The following CYP4X1 variants were observed in gnomAD, a reference collection of about 807,000 sequenced individuals.
CYP4X1 encodes cytochrome P450 family 4 subfamily X member 1.
CYP4X1 carries 44 observed loss-of-function variants against 57.9 expected under a neutral mutation model. The observed-to-expected ratio is 0.76, with a 90% CI of 0.60 to 0.98. CYP4X1 has a LOEUF of 0.98. CYP4X1 is among the 50% of genes least tolerant of loss of function. CYP4X1 has a pLI of 0.00. For missense variants in CYP4X1, 532 were observed against 623.9 expected (o/e 0.85, Z 1.57); for synonymous variants, 227 against 228.6 (o/e 0.99, Z 0.06).
the CYP4X1 span, among the ~76,000 whole-genome samples, chr1:47,008,235 C>T: frequency 3.0e-4 from 45 of 152,340 alleles, no homozygotes; most frequent in African/African-American, 1.1e-3. Flanking sequence ...TCGGCACAAA[C>T]TCTACAAGCC....
At chr1:46,961,642 C>G in the CYP4X1 span, 16 of 1,290,136 alleles carry the variant, frequency 1.2e-5, no homozygotes, top group African/African-American at 1.5e-5. Flanking sequence ...AGTTCCCACC[C>G]TGCTTATCAA....
chr1:46,974,881 A>AT, the CYP4X1 span, among the ~76,000 whole-genome samples: 1 of 151,480 alleles, frequency 6.6e-6, no homozygotes, highest in Admixed American at 6.6e-5. Context: ...TGCTTTTTAA[A>AT]TTTTTTTAAA....
At chr1:46,964,949 T>A in the CYP4X1 span, among the ~76,000 whole-genome samples, 3 of 152,186 alleles carry the variant, frequency 2.0e-5, no homozygotes, top group African/African-American at 2.4e-5. Context: ...TGGGCGCTCC[T>A]CCCCTAGCCT....
chr1:47,053,798 A>T (rs546635197), downstream of CYP4X1, among the ~76,000 whole-genome samples: 10 of 152,116 alleles, frequency 6.6e-5, no homozygotes, highest in East Asian at 1.5e-3. Flanking sequence ...GTTTGAGTTC[A>T]TTGTAGATTC....
intron 1 of CYP4X1, among the ~76,000 whole-genome samples, chr1:47,027,287 C>T (rs1194671472): frequency 1.3e-5 from 2 of 151,662 alleles, no homozygotes; most frequent in South Asian, 4.2e-4. Flanking sequence ...GATCAGGATC[C>T]TTTTGGTGAT....
At chr1:46,987,829 A>C in the CYP4X1 span, among the ~76,000 whole-genome samples, 1 of 152,208 alleles carries the variant, frequency 6.6e-6, no homozygotes, top group Admixed American at 6.5e-5. Context: ...AAGCTCTTTC[A>C]AACCAAGGAG....
chr1:46,995,837 C>G, the CYP4X1 span, among the ~76,000 whole-genome samples: 1 of 152,250 alleles, frequency 6.6e-6, no homozygotes, highest in Non-Finnish European at 1.5e-5. Flanking sequence ...ACGTACACCC[C>G]ATTTCAGCTG....
chr1:46,969,314 T>C, the CYP4X1 span, among the ~76,000 whole-genome samples: 1 of 152,206 alleles, frequency 6.6e-6, no homozygotes, highest in East Asian at 1.9e-4. Context: ...TACATCCTGA[T>C]GAACCATGAG....
chr1:47,036,222 T>G, intron 6 of CYP4X1, 51 bp downstream of exon 6: 1 of 1,553,970 alleles, frequency 6.4e-7, no homozygotes, highest in Non-Finnish European at 8.7e-7. Flanking sequence ...ATGATTGTAC[T>G]GTGTCTGTCT....
chr1:47,031,535 A>G (rs374853035), intron 3 of CYP4X1, 55 bp downstream of exon 3: 3 of 1,576,584 alleles, frequency 1.9e-6, no homozygotes, highest in Non-Finnish European at 2.6e-6. Flanking sequence ...TCCCCTTTCC[A>G]TAGTAGAGCA....
At chr1:47,029,653 C>G (rs1163759208) in intron 1 of CYP4X1, among the ~76,000 whole-genome samples, 1 of 152,090 alleles carries the variant, frequency 6.6e-6, no homozygotes, top group African/African-American at 2.4e-5. Flanking sequence ...CTTCCAGATC[C>G]CACTCCAATC....
At chr1:47,026,025 G>A (rs1411231638) in intron 1 of CYP4X1, among the ~76,000 whole-genome samples, 1 of 152,126 alleles carries the variant, frequency 6.6e-6, no homozygotes, top group Non-Finnish European at 1.5e-5. Context: ...CTAATCCATT[G>A]ATCTATATGT....
At chr1:47,045,864 C>G (rs1175692489) in intron 8 of CYP4X1, among the ~76,000 whole-genome samples, 1 of 152,200 alleles carries the variant, frequency 6.6e-6, no homozygotes, top group African/African-American at 2.4e-5. Context: ...CCAGAGCTTT[C>G]CCTCTTGCCA....
the CYP4X1 span, among the ~76,000 whole-genome samples, chr1:46,970,339 G>C: frequency 6.6e-6 from 1 of 152,140 alleles, no homozygotes; most frequent in Non-Finnish European, 1.5e-5. Flanking sequence ...TGACTCCATG[G>C]TGTTCTCTGA....
chr1:47,051,357 C>T (rs934210257), downstream of CYP4X1, among the ~76,000 whole-genome samples: 16 of 145,196 alleles, frequency 1.1e-4, no homozygotes, highest in South Asian at 4.4e-4. Context: ...CCAGCCTGGG[C>T]GACAGAGCGA....
the CYP4X1 span, among the ~76,000 whole-genome samples, chr1:46,978,298 A>G: frequency 6.6e-6 from 1 of 152,212 alleles, no homozygotes; most frequent in African/African-American, 2.4e-5. Flanking sequence ...AAGCAAATGG[A>G]AAGCAAAAAA....
At chr1:46,991,557 T>C in the CYP4X1 span, among the ~76,000 whole-genome samples, 1 of 152,206 alleles carries the variant, frequency 6.6e-6, no homozygotes, top group African/African-American at 2.4e-5. Flanking sequence ...CATGGAGCTG[T>C]ATACACTTAG....
intron 6 of CYP4X1, among the ~76,000 whole-genome samples, 199 bp downstream of exon 6, chr1:47,036,370 T>TTTTATATATATATATATA (rs1553152517): frequency 7.7e-6 from 1 of 129,824 alleles, no homozygotes. Flanking sequence ...ATCAGAATTT[T>TTTTATATATATATATATA]TATATATATA....
the CYP4X1 span, among the ~76,000 whole-genome samples, chr1:47,016,869 C>G: frequency 6.6e-6 from 1 of 152,194 alleles, no homozygotes; most frequent in Non-Finnish European, 1.5e-5. Context: ...CTCCACACCC[C>G]CAACTGGTAA....
Sources: gnomAD v4.1 joint callset for allele counts (sites outside exome capture counted in the v4.1 genomes callset) on GRCh38, gnomAD v4.1.1 for gene constraint, MANE v1.5 for transcripts, NCBI Gene and HGNC (gene_info 2026-07-23, HGNC 2026-07-21) for gene names.